Variants in IMPG1 observed in about 807,000 individuals in gnomAD.
The protein encoded by IMPG1 is interphotoreceptor matrix proteoglycan 1, also known as interphotoreceptor matrix proteoglycan of 150 kDa.
Under a neutral mutation model 92.0 loss-of-function variants are expected in IMPG1, and 85 were observed. That is an observed-to-expected ratio of 0.92 (90% confidence interval 0.78 to 1.11). The LOEUF (loss-of-function observed/expected upper bound fraction) is 1.11. Among genes scored for constraint, IMPG1 ranks in the 50% least tolerant of loss-of-function variants. IMPG1 has a pLI of 0.00. For synonymous variants in IMPG1, 367 were observed against 334.1 expected (o/e 1.10, Z -1.08); for missense variants, 1,022 against 956.0 (o/e 1.07, Z -0.91).
chr6:76,013,988 A>T (rs1317248535), intron 7 of IMPG1, among the ~76,000 whole-genome samples: 11 of 152,208 alleles, frequency 7.2e-5, no homozygotes, highest in Admixed American at 7.2e-4. Context: ...AAGAGGAATC[A>T]CAGTGATGAA....
At chr6:76,067,349 GACA>G (rs1445823979) in intron 1 of IMPG1, among the ~76,000 whole-genome samples, 3 of 151,742 alleles carry the variant, frequency 2.0e-5, no homozygotes, top group Non-Finnish European at 4.4e-5. Flanking sequence ...AAATGAAAAA[GACA>G]ACATTACTAC....
intron 14 of IMPG1, among the ~76,000 whole-genome samples, chr6:75,944,616 G>C (rs1298243782): frequency 2.0e-5 from 3 of 152,168 alleles, no homozygotes; most frequent in Admixed American, 6.5e-5. Flanking sequence ...AGTTTTCAAT[G>C]TATATAAAAT....
intron 12 of IMPG1, among the ~76,000 whole-genome samples, chr6:75,973,395 A>G (rs1213589836): frequency 6.6e-6 from 1 of 152,134 alleles, no homozygotes; most frequent in East Asian, 1.9e-4. Context: ...TTCTGCTTTT[A>G]CTTTGCTCAT....
chr6:75,952,344 T>C (rs1026261817), intron 12 of IMPG1, among the ~76,000 whole-genome samples: 3 of 152,174 alleles, frequency 2.0e-5, no homozygotes, highest in Admixed American at 2.0e-4. Context: ...ATCTCTGGAC[T>C]CTCAGTCAGC....
intron 15 of IMPG1, among the ~76,000 whole-genome samples, chr6:75,924,671 T>TATATATA (rs1491195479): frequency 0.48 from 4,800 of 9,926 alleles, 1,949 homozygotes; most frequent in Middle Eastern, 0.6. Context: ...TATAATAAAT[T>TATATATA]ATATATTATA....
intron 14 of IMPG1, among the ~76,000 whole-genome samples, chr6:75,940,189 T>C (rs1187403498): frequency 2.0e-5 from 3 of 152,316 alleles, no homozygotes; most frequent in East Asian, 3.9e-4. Context: ...ATCCTACACA[T>C]TGCCCCTGGC....
At chr6:75,966,741 T>C (rs773172158) in intron 12 of IMPG1, among the ~76,000 whole-genome samples, 3 of 152,160 alleles carry the variant, frequency 2.0e-5, no homozygotes, top group Non-Finnish European at 4.4e-5. Context: ...AAACTGATCA[T>C]AGAGGACAGG....
chr6:76,033,378 T>C (rs1370197337), intron 4 of IMPG1, among the ~76,000 whole-genome samples: 1 of 152,172 alleles, frequency 6.6e-6, no homozygotes, highest in Non-Finnish European at 1.5e-5. Flanking sequence ...GGAGGTGGGC[T>C]GGAAAAGGTT....
At chr6:76,016,359 A>T (rs1366249062) in intron 7 of IMPG1, among the ~76,000 whole-genome samples, 6 of 152,248 alleles carry the variant, frequency 3.9e-5, no homozygotes, top group Non-Finnish European at 7.3e-5. Flanking sequence ...ATGGCCAATT[A>T]TCCTACTTTG....
chr6:75,985,674 A>G (rs1782704257), intron 12 of IMPG1, among the ~76,000 whole-genome samples: 1 of 152,132 alleles, frequency 6.6e-6, no homozygotes. Context: ...CAATCCTACT[A>G]TTCCATTATC....
At chr6:75,980,157 AT>A (rs1471740552) in intron 12 of IMPG1, among the ~76,000 whole-genome samples, 1 of 152,226 alleles carries the variant, frequency 6.6e-6, no homozygotes, top group East Asian at 1.9e-4. Flanking sequence ...AAATGTGAAA[AT>A]TTGAAGGAGA....
chr6:75,969,860 A>G (rs1400116365), intron 12 of IMPG1, among the ~76,000 whole-genome samples: 1 of 152,196 alleles, frequency 6.6e-6, no homozygotes, highest in African/African-American at 2.4e-5. Flanking sequence ...ATAGAAGAAA[A>G]ATATTTTACC....
chr6:75,994,066 A>G (rs892864683), intron 12 of IMPG1, among the ~76,000 whole-genome samples: 5 of 152,236 alleles, frequency 3.3e-5, no homozygotes, highest in Non-Finnish European at 5.9e-5. Flanking sequence ...AGTTAGCAGG[A>G]TACAAATACC....
intron 12 of IMPG1, among the ~76,000 whole-genome samples, chr6:75,952,322 G>A (rs1782046841): frequency 6.6e-6 from 1 of 152,138 alleles, no homozygotes; most frequent in South Asian, 2.1e-4. Flanking sequence ...GGACTGTCTG[G>A]ATGCAGATAT....
chr6:76,052,513 A>G (rs918986552), intron 1 of IMPG1, among the ~76,000 whole-genome samples: 1 of 152,202 alleles, frequency 6.6e-6, no homozygotes, highest in African/African-American at 2.4e-5. Context: ...GTTGAGAACT[A>G]TACTTCTAGT....
In IMPG1 at chr6:76,029,701, G is replaced by T. The variant is rs149297164; in HGVS notation, c.498-4443C>A. On this transcript the variant is annotated intron_variant, in intron 4 of 16. Coordinates refer to ENST00000369950, the MANE Select transcript of IMPG1 (RefSeq NM_001563.4). ...TCCTGCCAGGTGATGGAATAAATAG[G>T]GAATAAATAGGGTGCCCATCACCTG... Among the ~76,000 whole-genome samples the T allele has an allele frequency of 1.0e-3, 152 of 152,186 alleles. 1 individual carries two copies. Among genetic ancestry groups the T allele is most frequent in the African/African-American group, 3.5e-3 (147 of 41,528 alleles).
chr6:76,027,611 A>G (rs1405097761), intron 4 of IMPG1, among the ~76,000 whole-genome samples: 2 of 152,226 alleles, frequency 1.3e-5, no homozygotes, highest in African/African-American at 4.8e-5. Context: ...AAGTGCTGGA[A>G]GAATTGTGGA....
At chr6:75,927,666 TG>T (rs886137628) in intron 15 of IMPG1, among the ~76,000 whole-genome samples, 12 of 152,120 alleles carry the variant, frequency 7.9e-5, no homozygotes, top group African/African-American at 2.9e-4. Flanking sequence ...AGGGCAAAAT[TG>T]GGGTAATAAG....
intron 14 of IMPG1, among the ~76,000 whole-genome samples, chr6:75,944,137 G>A (rs12111270): frequency 1.6e-3 from 238 of 152,246 alleles, no homozygotes; most frequent in African/African-American, 5.2e-3. Context: ...CCCAGCCTTC[G>A]CCTTTGGTGA....
Sources: gnomAD v4.1 joint callset for allele counts (sites outside exome capture counted in the v4.1 genomes callset) on GRCh38, gnomAD v4.1.1 for gene constraint, MANE v1.5 for transcripts, NCBI Gene and HGNC (gene_info 2026-07-23, HGNC 2026-07-21) for gene names.